The following PPP2R3B variants were observed in gnomAD, a reference collection of about 807,000 sequenced individuals.
PPP2R3B encodes serine/threonine-protein phosphatase 2A regulatory subunit B'' subunit beta.
A neutral mutation model predicts 72.9 loss-of-function variants in PPP2R3B; 68 were observed. The observed-to-expected ratio is 0.93, with a 90% CI of 0.77 to 1.14. The LOEUF is 1.14. Among genes scored for constraint, PPP2R3B ranks in the 50% most tolerant of loss-of-function variants. The pLI, the probability that PPP2R3B is intolerant of heterozygous loss-of-function variation, is 0.00. For synonymous variants in PPP2R3B, 466 were observed against 375.8 expected, an observed-to-expected ratio of 1.24 and a Z score of -2.78; for missense variants, 1,018 against 842.0, an observed-to-expected ratio of 1.21 and a Z score of -2.59.
At chrX:352,319 C>T (rs1394687939) in intron 2 of PPP2R3B, among the ~76,000 whole-genome samples, 6 of 152,374 alleles carry the variant, frequency 3.9e-5, no homozygotes, top group African/African-American at 9.6e-5. Context: ...CCCACCCGCA[C>T]GGCCAGGACA....
chrX:385,026 C>A (rs1158551696), intron 1 of PPP2R3B, among the ~76,000 whole-genome samples: 1 of 146,904 alleles, frequency 6.8e-6, no homozygotes, highest in Non-Finnish European at 1.5e-5. Flanking sequence ...ATCACTTTAT[C>A]CTGGTAACTA....
Position 340,990 on chromosome X carries a change from G to A in PPP2R3B, c.1176-50C>T, listed in dbSNP as rs192459510. ...CCCCTGCCCTGGGCCCTCCCAGCCC[G>A]TGACCTGCAGCCCCTGAGGCAGCCC... On this transcript the variant is annotated intron_variant, in intron 9 of 12. Transcript: ENST00000390665. The A allele has an allele frequency of 4.6e-3, 7,206 of 1,581,014 alleles. 181 individuals are homozygous for A. In the African/African-American group the frequency reaches 0.069, roughly 15 times the overall value.
intron 2 of PPP2R3B, among the ~76,000 whole-genome samples, chrX:350,358 G>A (rs1408240136): frequency 6.6e-6 from 1 of 152,184 alleles, no homozygotes; most frequent in Admixed American, 6.5e-5. Flanking sequence ...CCACACGTGC[G>A]CTCCCTGAAG....
chrX:355,871 C>T (rs1322643078), intron 2 of PPP2R3B, among the ~76,000 whole-genome samples: 1 of 152,006 alleles, frequency 6.6e-6, no homozygotes, highest in African/African-American at 2.4e-5. Flanking sequence ...CCCGCTCAAG[C>T]GCAAGGATGC....
chrX:371,526 G>A (rs1445828799), intron 1 of PPP2R3B, among the ~76,000 whole-genome samples: 6 of 152,050 alleles, frequency 3.9e-5, no homozygotes, highest in Non-Finnish European at 5.9e-5. Context: ...GTGGGACGTC[G>A]CACAGTCAGA....
Position 346,727 on chromosome X carries a change from C to G in PPP2R3B, c.766G>C (p.Glu256Gln). 6.2e-7 allele frequency: 1 copy of G among 1,610,190 alleles called. No homozygotes were observed. The highest frequency in any genetic ancestry group is 8.5e-7 in the Non-Finnish European group (1 of 1,178,618). ...GTGGTGATGTAGCGCGAGTGGAACT[C>G]GGACGCCTCCTTCAGGAACGACAGC... ...PGLSFLKEASEFHSRYITTVI... is the reference protein window; with the variant it reads ...PGLSFLKEASQFHSRYITTVI... The change falls in exon 5 of 13, where the codon GAG becomes CAG. Residue 256 changes from glutamate (E) to glutamine (Q), a missense_variant. Coordinates refer to ENST00000390665, the MANE Select transcript of PPP2R3B (RefSeq NM_013239.5).
At chrX:364,505 C>G (rs1423440422) in intron 1 of PPP2R3B, among the ~76,000 whole-genome samples, 2 of 74,860 alleles carry the variant, frequency 2.7e-5, no homozygotes, top group Non-Finnish European at 5.2e-5. Context: ...TTCATCTCTA[C>G]TAAAAAAAAA....
intron 9 of PPP2R3B, 51 bp downstream of exon 9, chrX:341,256 C>T (rs763001280): frequency 1.3e-6 from 2 of 1,590,298 alleles, no homozygotes; most frequent in East Asian, 2.3e-5. Flanking sequence ...GTCACATGGG[C>T]GGCTCCCGGC....
chrX:345,037 G>A, intron 7 of PPP2R3B: 1 of 380,864 alleles, frequency 2.6e-6, no homozygotes, highest in South Asian at 2.0e-5. Context: ...GGGAGGCAGT[G>A]GCTGCTGTGA....
chrX:385,884 C>G (rs2124440680), intron 1 of PPP2R3B, among the ~76,000 whole-genome samples: 1 of 152,252 alleles, frequency 6.6e-6, no homozygotes, highest in East Asian at 1.9e-4. Context: ...AGTTCGAGAC[C>G]AGCCTGGCCC....
In PPP2R3B at chrX:379,090, CGTGT is replaced by C. The variant is rs765903380; in HGVS notation, c.324+7274_324+7277del. Among the ~76,000 whole-genome samples, 81 of 140,370 alleles carry C rather than the reference CGTGT, an allele frequency of 5.8e-4. No homozygotes were observed. In the East Asian group the frequency reaches 0.014, roughly 25 times the overall value. The allele number at this position is 140,370 out of a possible 152,430, so 92.1% of individuals were successfully genotyped here. Reference sequence around the variant, plus strand: ...GCACCTGTGTGTGTGTATGCACCTACGTGTGTGTGTATGCACCTGTGTGTGCACC... The same window carrying C: ...GCACCTGTGTGTGTGTATGCACCTACGTGTGTATGCACCTGTGTGTGCACC... On this transcript the variant is annotated intron_variant, in intron 1 of 12. Transcript: ENST00000390665.
chrX:364,712 T>C (rs1179928564), intron 1 of PPP2R3B, among the ~76,000 whole-genome samples: 2 of 50,942 alleles, frequency 3.9e-5, no homozygotes, highest in Non-Finnish European at 6.3e-5. Flanking sequence ...AGTGAGACTC[T>C]GTCTCAAAAC....
At chrX:342,221 C>T in intron 7 of PPP2R3B, 3 of 576,196 alleles carry the variant, frequency 5.2e-6, no homozygotes, top group East Asian at 2.9e-5. Context: ...GTACAGCTTT[C>T]AGACGGAGAG....
At chrX:383,557 G>A (rs181147012) in intron 1 of PPP2R3B, among the ~76,000 whole-genome samples, 10 of 152,082 alleles carry the variant, frequency 6.6e-5, no homozygotes, top group Middle Eastern at 3.4e-3. Flanking sequence ...CACGGCTGTC[G>A]GCGGGCACGG....
At position 334,373 on chromosome X, in the gene PPP2R3B, C is replaced by T. The variant is rs752965817; in HGVS notation, c.1722G>A (p.Pro574=). ...EYACGDEDLE[P]L ...GGCGTTCTCGCGGGCGGCGTCACAG[C>T]GGCTCCAGGTCCTCGTCCCCGCATG... Residue 574 remains proline (P), a synonymous_variant, in exon 13 of 13, where the codon CCG becomes CCA. Transcript: ENST00000390665. The T allele has an allele frequency of 3.9e-5, 59 of 1,505,660 alleles. No homozygotes were observed. The highest frequency in any genetic ancestry group is 1.3e-4 in the African/African-American group (9 of 68,956). 93.3% of individuals were successfully genotyped at this position (1,505,660 alleles called of 1,614,324 possible).
chrX:347,632 G>C lies in PPP2R3B; in HGVS notation c.572C>G (p.Thr191Arg), dbSNP rs765721870. 253 of 1,576,394 alleles carry C rather than the reference G, an allele frequency of 1.6e-4. No homozygotes were observed. The highest frequency in any genetic ancestry group is 9.2e-4 in the Admixed American group (50 of 54,356). The change falls in exon 3 of 13, where the codon ACG (threonine) becomes AGG (arginine). Residue 191 changes from threonine (T) to arginine (R), a missense_variant. By Grantham distance (71) the Thr-to-Arg change is moderately conservative. Transcript: ENST00000390665. ...GAACTTGTGGACGGACACGGAGCCC[G>C]TGCGCTCCCCGCCGGCGCCATAGAA... ...PLFYGAGGER[T>R]GSVSVHKFVA...
chrX:363,382 G>A (rs1257325281), intron 1 of PPP2R3B, among the ~76,000 whole-genome samples: 380 of 3,064 alleles, frequency 0.12, 13 homozygotes, highest in African/African-American at 0.15. Context: ...CCATCCCACA[G>A]TGCATCTCCC....
intron 1 of PPP2R3B, among the ~76,000 whole-genome samples, chrX:361,883 C>A (rs2071549679): frequency 6.6e-6 from 1 of 152,184 alleles, no homozygotes; most frequent in Non-Finnish European, 1.5e-5. Context: ...CAGCTACGTG[C>A]CCCAGGCACC....
chrX:358,375 C>T, intron 2 of PPP2R3B, among the ~76,000 whole-genome samples: 1 of 122,788 alleles, frequency 8.1e-6, no homozygotes, highest in Non-Finnish European at 1.8e-5. Context: ...CTGGCCTCTG[C>T]CCACAGTCAC....
Sources: allele counts gnomAD v4.1 joint callset (sites outside exome capture counted in the v4.1 genomes callset), GRCh38; gene constraint gnomAD v4.1.1; transcripts MANE v1.5; gene names NCBI Gene and HGNC (gene_info 2026-07-23, HGNC 2026-07-21).